Variants in TMEM150C observed in about 807,000 individuals in gnomAD.
TMEM150C encodes the protein tentonin 3.
In TMEM150C, 10 loss-of-function variants were observed where a neutral mutation model predicts 29.9. The observed-to-expected ratio is 0.33, with a 90% CI of 0.21 to 0.57. TMEM150C has a LOEUF of 0.57. Among genes scored for constraint, TMEM150C ranks in the 20% least tolerant of loss-of-function variants. The probability of loss-of-function intolerance (pLI) is 0.88; values close to 1 mark genes in which losing one functional copy is unlikely to be tolerated. For missense variants in TMEM150C, 251 were observed against 303.6 expected, an observed-to-expected ratio of 0.83 and a Z score of 1.29; for synonymous variants, 101 against 112.5, an observed-to-expected ratio of 0.90 and a Z score of 0.64.
At chr4:82,519,199 G>T (rs1406571849) in intron 1 of TMEM150C, among the ~76,000 whole-genome samples, 2 of 152,092 alleles carry the variant, frequency 1.3e-5, no homozygotes, top group African/African-American at 4.8e-5. Flanking sequence ...CATTTATCAT[G>T]TCACCTTTTG....
chr4:82,499,889 A>G (rs1723682605), intron 5 of TMEM150C, among the ~76,000 whole-genome samples: 1 of 151,792 alleles, frequency 6.6e-6, no homozygotes, highest in Non-Finnish European at 1.5e-5. Flanking sequence ...GTTTTGTTTG[A>G]CTCTTTATGC....
At chr4:82,503,147 ATTGG>A (rs1471059069) in intron 2 of TMEM150C, 35 bp from the exon 3 acceptor site, 2 of 1,457,536 alleles carry the variant, frequency 1.4e-6, no homozygotes, top group South Asian at 1.2e-5. Flanking sequence ...GAACAAAGAA[ATTGG>A]AAAAAAGAAT....
intron 1 of TMEM150C, among the ~76,000 whole-genome samples, chr4:82,535,541 G>A (rs55794110): frequency 0.056 from 8,544 of 152,204 alleles, 250 homozygotes; most frequent in South Asian, 0.076. Context: ...CACCTCAGAG[G>A]TACAGTGACA....
chr4:82,503,101 G>T lies in TMEM150C; in HGVS notation c.92C>A (p.Ala31Asp), dbSNP rs766679424. 1 of 1,604,508 alleles carries T rather than the reference G, an allele frequency of 6.2e-7. No individual in the cohort carries two copies. The highest frequency in any genetic ancestry group is 1.1e-5 in the South Asian group (1 of 90,294). The change falls in exon 3 of 8, where the codon GCT becomes GAT. Residue 31 changes from alanine (A) to aspartate (D), a missense_variant. Coordinates refer to ENST00000449862, the MANE Select transcript of TMEM150C (RefSeq NM_001080506.3). ...TGGTAAAATTTTGTCATCTTCCACA[G>T]CTATGAAGTATCTATCAAAAAAGAA... is the stretch of plus-strand genomic sequence containing the variant. ...SAGLWIVYFI[A>D]VEDDKILPLN...
In TMEM150C at chr4:82,557,796, C is replaced by G. The variant is rs556513485; in HGVS notation, c.-11+4110G>C. ...TCGCCCAGGCTGGAGTGCAGTGGCA[C>G]GATCTTGGCTCACTGCAACCTCTGC... On this transcript the variant is annotated intron_variant, in intron 1 of 7. Coordinates refer to ENST00000449862, the MANE Select transcript of TMEM150C (RefSeq NM_001080506.3). 2.7e-5 allele frequency among the ~76,000 whole-genome samples: 4 copies of G among 148,902 alleles called. No individual in the cohort carries two copies. The East Asian group carries it at 5.9e-4, about 22-fold the overall frequency.
At chr4:82,506,310 C>T (rs1723917882) in intron 1 of TMEM150C, among the ~76,000 whole-genome samples, 1 of 152,188 alleles carries the variant, frequency 6.6e-6, no homozygotes, top group African/African-American at 2.4e-5. Flanking sequence ...ACTGGTCTAC[C>T]TGATTACGTA....
At position 82,544,775 on chromosome 4, in the gene TMEM150C, C is replaced by CAAAAAAAA. The variant is rs149817695; in HGVS notation, c.-11+17123_-11+17130dup. Among the ~76,000 whole-genome samples the CAAAAAAAA allele has an allele frequency of 3.7e-5, 5 of 134,666 alleles. 1 individual carries two copies. The highest frequency in any genetic ancestry group is 1.7e-4 in the African/African-American group (5 of 29,938). The allele number at this position is 134,666 out of a possible 152,430, so 88.3% of individuals were successfully genotyped here. The stretch of plus-strand genomic sequence containing the variant: ...GCCTGGGTGACAGAGTAAGACTATG[C>CAAAAAAAA]AAAAAAAAACTGAAATGTAGCATTT... On this transcript the variant is annotated intron_variant, in intron 1 of 7. Transcript: ENST00000449862.
At chr4:82,488,316 T>G (rs1723226232) in intron 7 of TMEM150C, among the ~76,000 whole-genome samples, 1 of 152,314 alleles carries the variant, frequency 6.6e-6, no homozygotes, top group African/African-American at 2.4e-5. Flanking sequence ...TGGTTAAGAG[T>G]GAAGAGCTGA....
Position 82,486,335 on chromosome 4 carries a change from T to TAAAAAAAAAAAA in TMEM150C, c.542-628_542-617dup, listed in dbSNP as rs527967958. Among the ~76,000 whole-genome samples the TAAAAAAAAAAAA allele has an allele frequency of 1.1e-3, 56 of 51,300 alleles. 4 individuals are homozygous for TAAAAAAAAAAAA. The highest frequency in any genetic ancestry group is 4.5e-3 in the African/African-American group (50 of 11,148). 33.7% of individuals were successfully genotyped at this position (51,300 alleles called of 152,430 possible). On this transcript the variant is annotated intron_variant, in intron 7 of 7. Transcript: ENST00000449862. ...TGGTGGACAGAGCGAGACTCCATCT[T>TAAAAAAAAAAAA]AAAAAAAAAAAAAAAAAAAAAAAAA...
chr4:82,495,974 G>A, intron 6 of TMEM150C, 94 bp downstream of exon 6: 1 of 1,496,384 alleles, frequency 6.7e-7, no homozygotes, highest in African/African-American at 1.4e-5. Flanking sequence ...AATTATATGG[G>A]CCATATGGTG....
At position 82,537,782 on chromosome 4, in the gene TMEM150C, A is replaced by G. The variant is rs572864186; in HGVS notation, c.-11+24124T>C. On this transcript the variant is annotated intron_variant, in intron 1 of 7. Coordinates refer to ENST00000449862, the MANE Select transcript of TMEM150C (RefSeq NM_001080506.3). ...AGCACACATGAAGACAGAGGCAGAGATTGGAATAATGCTGCCAGAGAAGGC... is the reference window on the plus strand; with the variant it reads ...AGCACACATGAAGACAGAGGCAGAGGTTGGAATAATGCTGCCAGAGAAGGC... 2.8e-4 allele frequency among the ~76,000 whole-genome samples: 42 copies of G among 152,310 alleles called. No homozygotes were observed. In the East Asian group the frequency reaches 6.6e-3, roughly 24 times the overall value.
chr4:82,558,341 C>T (rs1725809093), intron 1 of TMEM150C, among the ~76,000 whole-genome samples: 2 of 152,188 alleles, frequency 1.3e-5, no homozygotes, highest in South Asian at 4.1e-4. Flanking sequence ...GATTACAGAA[C>T]ATGTCCATCA....
At chr4:82,502,410 T>A (rs1294738517) in intron 5 of TMEM150C, among the ~76,000 whole-genome samples, 1 of 152,222 alleles carries the variant, frequency 6.6e-6, no homozygotes, top group Non-Finnish European at 1.5e-5. Flanking sequence ...GCAAATGTAT[T>A]ATACAATATT....
intron 1 of TMEM150C, among the ~76,000 whole-genome samples, chr4:82,515,556 G>T (rs1578135831): frequency 6.6e-6 from 1 of 151,964 alleles, no homozygotes. Flanking sequence ...GGCTAACATG[G>T]TGAAACCCCG....
intron 1 of TMEM150C, among the ~76,000 whole-genome samples, chr4:82,505,536 T>C (rs1303514773): frequency 6.6e-6 from 1 of 152,208 alleles, no homozygotes; most frequent in Non-Finnish European, 1.5e-5. Flanking sequence ...AATCTATAGG[T>C]TGGCAGACAA....
Position 82,556,589 on chromosome 4 carries a change from G to A in TMEM150C, c.-11+5317C>T, listed in dbSNP as rs572987227. 2.8e-4 allele frequency among the ~76,000 whole-genome samples: 43 copies of A among 152,248 alleles called. 1 individual carries two copies. The highest frequency in any genetic ancestry group is 1.0e-3 in the South Asian group (5 of 4,816). On this transcript the variant is annotated intron_variant, in intron 1 of 7. Coordinates refer to ENST00000449862, the MANE Select transcript of TMEM150C (RefSeq NM_001080506.3). ...AGCTACTTGGGGGGCTGAGGTGGGC[G>A]GATCCCTTGAGGACAGGAGTTCAAG...
At chr4:82,517,003 G>A (rs949493590) in intron 1 of TMEM150C, among the ~76,000 whole-genome samples, 3 of 152,098 alleles carry the variant, frequency 2.0e-5, no homozygotes, top group Non-Finnish European at 2.9e-5. Context: ...ACCACTACAC[G>A]ACCAGAATGA....
intron 1 of TMEM150C, among the ~76,000 whole-genome samples, chr4:82,517,957 C>T (rs1375258705): frequency 1.3e-5 from 2 of 152,156 alleles, no homozygotes; most frequent in Non-Finnish European, 2.9e-5. Flanking sequence ...AACTTGCAAG[C>T]TCACTGCTAA....
chr4:82,488,682 C>T (rs1337209651), intron 7 of TMEM150C, among the ~76,000 whole-genome samples: 1 of 152,144 alleles, frequency 6.6e-6, no homozygotes, highest in East Asian at 1.9e-4. Flanking sequence ...GGCATGATCA[C>T]AACTCACTGC....
Sources: allele counts gnomAD v4.1 joint callset (sites outside exome capture counted in the v4.1 genomes callset), GRCh38; gene constraint gnomAD v4.1.1; transcripts MANE v1.5; gene names NCBI Gene and HGNC (gene_info 2026-07-23, HGNC 2026-07-21).